Variants in ADGRL3 observed in about 807,000 individuals in gnomAD.
ADGRL3 encodes adhesion G protein-coupled receptor L3.
In ADGRL3, 62 loss-of-function variants were observed where a neutral mutation model predicts 153.5. The ratio of observed to expected loss-of-function variants is 0.40; its 90% CI spans 0.33 to 0.50. The LOEUF (loss-of-function observed/expected upper bound fraction) is 0.50, where lower values mean the gene tolerates loss of function less well. ADGRL3 is among the 20% of genes least tolerant of loss of function. The probability of loss-of-function intolerance (pLI) is 0.47; values close to 1 mark genes in which losing one functional copy is unlikely to be tolerated. For synonymous variants in ADGRL3, 710 were observed against 672.5 expected, an observed-to-expected ratio of 1.06 and a Z score of -0.86; for missense variants, 1,641 against 1,859.4, an observed-to-expected ratio of 0.88 and a Z score of 2.16.
At chr4:61,809,919 C>T (rs1010014347) in intron 8 of ADGRL3, among the ~76,000 whole-genome samples, 4 of 152,000 alleles carry the variant, frequency 2.6e-5, no homozygotes, top group African/African-American at 9.7e-5. Flanking sequence ...CTTATGAGGT[C>T]AGTGTTGTTA....
chr4:61,816,734 CA>C (rs1160564591), intron 9 of ADGRL3, among the ~76,000 whole-genome samples: 1 of 152,128 alleles, frequency 6.6e-6, no homozygotes, highest in African/African-American at 2.4e-5. Context: ...GTGGGGATGC[CA>C]GCTGCAGCAG....
At chr4:61,382,113 C>T (rs192214958) in intron 1 of ADGRL3, among the ~76,000 whole-genome samples, 1 of 151,912 alleles carries the variant, frequency 6.6e-6, no homozygotes, top group Admixed American at 6.6e-5. Context: ...ATGCTATTGA[C>T]TTTCTGCCCT....
At chr4:61,691,967 G>A (rs7664175) in intron 6 of ADGRL3, among the ~76,000 whole-genome samples, 69 of 152,230 alleles carry the variant, frequency 4.5e-4, no homozygotes, top group African/African-American at 1.6e-3. Flanking sequence ...AAGCTAGAAT[G>A]ACTTAGGAGA....
At chr4:61,909,135 G>A (rs2098710220) in intron 11 of ADGRL3, among the ~76,000 whole-genome samples, 1 of 152,180 alleles carries the variant, frequency 6.6e-6, no homozygotes, top group Non-Finnish European at 1.5e-5. Flanking sequence ...TAGCTGATGA[G>A]TATTCACTGT....
intron 8 of ADGRL3, among the ~76,000 whole-genome samples, chr4:61,810,513 G>A (rs1398978507): frequency 1.3e-5 from 2 of 152,158 alleles, no homozygotes; most frequent in Non-Finnish European, 2.9e-5. Context: ...AGAGAGAAGA[G>A]CCTTTTCCTG....
intron 15 of ADGRL3, among the ~76,000 whole-genome samples, chr4:61,939,313 G>C (rs995022175): frequency 6.6e-6 from 1 of 152,054 alleles, no homozygotes; most frequent in South Asian, 2.1e-4. Flanking sequence ...TTTGACAGTT[G>C]TACATAATTT....
rs184550021 is a variant in ADGRL3, at chr4:61,419,355, A to G, written c.-174+36166A>G. Among the ~76,000 whole-genome samples the G allele has an allele frequency of 1.5e-4, 22 of 150,940 alleles. 3 individuals carry two copies. The East Asian group carries it at 4.6e-3, about 32-fold the overall frequency. Reference sequence around the variant, plus strand: ...ATATACATTTAAGAAAGAATAATGAAAACAAGTGAGATAACTATTTATTCA... The same window carrying G: ...ATATACATTTAAGAAAGAATAATGAGAACAAGTGAGATAACTATTTATTCA... On this transcript the variant is annotated intron_variant, in intron 2 of 26. Transcript: ENST00000683033.
chr4:61,770,507 AG>A (rs1037753731), intron 8 of ADGRL3, among the ~76,000 whole-genome samples: 1 of 152,174 alleles, frequency 6.6e-6, no homozygotes, highest in African/African-American at 2.4e-5. Flanking sequence ...CATAGATTTA[AG>A]GTATTATTTT....
Position 61,732,750 on chromosome 4 carries a change from A to G in ADGRL3, c.599-4A>G. The G allele has an allele frequency of 6.7e-7, 1 of 1,482,052 alleles. No individual in the cohort carries two copies. The highest frequency in any genetic ancestry group is 9.0e-7 in the Non-Finnish European group (1 of 1,108,418). The allele number at this position is 1,482,052 out of a possible 1,614,324, so 91.8% of individuals were successfully genotyped here. A position where few individuals can be genotyped will look rare whatever the true frequency, so the allele number is the denominator to read the frequency against. Reference sequence around the variant, plus strand: ...ATTTATTTTAACTGTTTCCCTTCCAACAGTTTTTCTTTGTCCTGGACTACT... The same window carrying G: ...ATTTATTTTAACTGTTTCCCTTCCAGCAGTTTTTCTTTGTCCTGGACTACT... On this transcript the variant is annotated splice_polypyrimidine_tract_variant and splice_region_variant and intron_variant, in intron 7 of 26. Transcript: ENST00000683033.
intron 19 of ADGRL3, among the ~76,000 whole-genome samples, chr4:61,985,039 A>G (rs367655234): frequency 6.6e-6 from 1 of 152,114 alleles, no homozygotes. Flanking sequence ...ATGAAAGGGA[A>G]AAGTCTTGGG....
chr4:61,558,421 T>C (rs1485852920), intron 4 of ADGRL3, among the ~76,000 whole-genome samples: 1 of 151,806 alleles, frequency 6.6e-6, no homozygotes, highest in Admixed American at 6.6e-5. Context: ...TATTTGGTAA[T>C]CCTCTAATCC....
At chr4:61,778,199 A>T (rs2097174935) in intron 8 of ADGRL3, among the ~76,000 whole-genome samples, 2 of 152,234 alleles carry the variant, frequency 1.3e-5, no homozygotes, top group South Asian at 4.1e-4. Context: ...AATGAATTCC[A>T]TGCTTAGACT....
At chr4:61,688,253 A>G (rs547679359) in intron 6 of ADGRL3, among the ~76,000 whole-genome samples, 2 of 152,154 alleles carry the variant, frequency 1.3e-5, no homozygotes, top group Non-Finnish European at 2.9e-5. Flanking sequence ...TGGCAAAGAC[A>G]TAATCTAATT....
intron 2 of ADGRL3, among the ~76,000 whole-genome samples, chr4:61,415,826 C>T (rs931265300): frequency 1.3e-5 from 2 of 151,864 alleles, no homozygotes; most frequent in South Asian, 2.1e-4. Context: ...AAATCAGGAA[C>T]GTACATTTCA....
At chr4:61,792,263 T>C (rs921707767) in intron 8 of ADGRL3, among the ~76,000 whole-genome samples, 22 of 152,092 alleles carry the variant, frequency 1.4e-4, no homozygotes, top group Non-Finnish European at 2.6e-4. Context: ...TCTTTCAAGT[T>C]CAACGTTTCA....
intron 15 of ADGRL3, among the ~76,000 whole-genome samples, chr4:61,939,514 G>C (rs1420942586): frequency 6.7e-6 from 1 of 148,178 alleles, no homozygotes; most frequent in Non-Finnish European, 1.5e-5. Context: ...CTGTCACCCA[G>C]GCTGGGATGC....
chr4:61,473,674 G>C (rs1026504210), intron 2 of ADGRL3, among the ~76,000 whole-genome samples: 25 of 151,872 alleles, frequency 1.6e-4, no homozygotes, highest in African/African-American at 6.0e-4. Flanking sequence ...AGCTTAATAA[G>C]TATTTACTCC....
At chr4:61,557,789 G>T (rs1051017415) in intron 4 of ADGRL3, among the ~76,000 whole-genome samples, 2 of 144,130 alleles carry the variant, frequency 1.4e-5, no homozygotes, top group African/African-American at 2.5e-5. Context: ...GGGTTTCAGT[G>T]TTTTTTTTTT....
intron 3 of ADGRL3, among the ~76,000 whole-genome samples, chr4:61,503,509 C>T (rs1027632325): frequency 4.0e-5 from 6 of 151,872 alleles, no homozygotes; most frequent in Non-Finnish European, 8.8e-5. Context: ...TTACTATTTA[C>T]TTTAATCCTC....
Sources: allele counts gnomAD v4.1 joint callset (sites outside exome capture counted in the v4.1 genomes callset), GRCh38; gene constraint gnomAD v4.1.1; transcripts MANE v1.5; gene names NCBI Gene and HGNC (gene_info 2026-07-23, HGNC 2026-07-21).